FAM13A: variants seen among roughly 807,000 people sequenced by gnomAD.
The protein encoded by FAM13A is protein FAM13A.
A neutral mutation model predicts 129.6 loss-of-function variants in FAM13A; 76 were observed. That is an observed-to-expected ratio of 0.59 (90% CI 0.49 to 0.71). FAM13A has a LOEUF of 0.71. FAM13A is among the 30% of genes least tolerant of loss of function. FAM13A has a pLI of 0.00. For missense variants in FAM13A, 1,108 were observed against 1,249.3 expected (o/e 0.89, Z 1.70); for synonymous variants, 443 against 449.9 (o/e 0.98, Z 0.20).
intron 10 of FAM13A, among the ~76,000 whole-genome samples, chr4:88,781,806 C>G (rs948410383): frequency 1.3e-4 from 19 of 149,738 alleles, no homozygotes; most frequent in African/African-American, 4.6e-4. Context: ...CACATGGACA[C>G]AGGAAGGGGA....
At chr4:88,822,677 A>G (rs544120660) in intron 7 of FAM13A, among the ~76,000 whole-genome samples, 1 of 152,158 alleles carries the variant, frequency 6.6e-6, no homozygotes, top group Admixed American at 6.5e-5. Context: ...CTCGCTCATT[A>G]TACTTCTCAG....
intron 7 of FAM13A, among the ~76,000 whole-genome samples, chr4:88,846,851 T>G (rs1736730495): frequency 6.6e-6 from 1 of 152,238 alleles, no homozygotes; most frequent in Non-Finnish European, 1.5e-5. Flanking sequence ...GCACATTTAT[T>G]TTTTAATTTA....
chr4:88,801,157 A>G (rs964378844), intron 8 of FAM13A, among the ~76,000 whole-genome samples: 1 of 152,248 alleles, frequency 6.6e-6, no homozygotes, highest in Non-Finnish European at 1.5e-5. Context: ...TATCAGGAAT[A>G]GCAGTGGCAT....
At chr4:88,784,222 T>C (rs1723533737) in intron 10 of FAM13A, among the ~76,000 whole-genome samples, 1 of 152,212 alleles carries the variant, frequency 6.6e-6, no homozygotes, top group Non-Finnish European at 1.5e-5. Flanking sequence ...TGTTGAACTC[T>C]AATTTCGATT....
chr4:88,891,150 C>T (rs528687096), intron 6 of FAM13A, among the ~76,000 whole-genome samples: 2 of 152,300 alleles, frequency 1.3e-5, no homozygotes, highest in East Asian at 1.9e-4. Flanking sequence ...GGGCCAGGCA[C>T]GGCAGCTCAT....
intron 3 of FAM13A, among the ~76,000 whole-genome samples, 176 bp downstream of exon 3, chr4:89,020,280 CTTTT>C (rs374510433): frequency 8.0e-6 from 1 of 124,736 alleles, no homozygotes; most frequent in African/African-American, 3.0e-5. Context: ...TTTTTCTGCC[CTTTT>C]TTTTTTTTTT....
At chr4:89,032,090 A>C (rs1317144454) in intron 1 of FAM13A, among the ~76,000 whole-genome samples, 1 of 152,006 alleles carries the variant, frequency 6.6e-6, no homozygotes, top group Admixed American at 6.6e-5. Context: ...ATAAATTAAA[A>C]AAAATTAGCC....
intron 7 of FAM13A, among the ~76,000 whole-genome samples, chr4:88,820,835 T>C (rs543865181): frequency 6.6e-6 from 1 of 152,238 alleles, no homozygotes; most frequent in East Asian, 1.9e-4. Flanking sequence ...ACTCAAAGTA[T>C]GAGAAGCATT....
chr4:88,974,900 A>C (rs1301572819), intron 4 of FAM13A, among the ~76,000 whole-genome samples: 1 of 152,178 alleles, frequency 6.6e-6, no homozygotes, highest in Non-Finnish European at 1.5e-5. Context: ...CATCTCTATT[A>C]TTAACACCAC....
chr4:88,870,028 A>T (rs548509375), intron 6 of FAM13A, among the ~76,000 whole-genome samples: 1 of 152,298 alleles, frequency 6.6e-6, no homozygotes, highest in East Asian at 1.9e-4. Flanking sequence ...TTGACAATTT[A>T]AATTCAACTT....
intron 7 of FAM13A, among the ~76,000 whole-genome samples, chr4:88,848,352 A>AC (rs1737026394): frequency 6.6e-6 from 1 of 152,126 alleles, no homozygotes; most frequent in South Asian, 2.1e-4. Context: ...TTGTTCTATT[A>AC]CCTCCTGGCT....
At chr4:88,817,547 A>G (rs1214699224) in intron 7 of FAM13A, among the ~76,000 whole-genome samples, 1 of 151,668 alleles carries the variant, frequency 6.6e-6, no homozygotes, top group African/African-American at 2.4e-5. Flanking sequence ...TAGGGGACAG[A>G]GCAAGACTCT....
At chr4:89,050,545 CT>C (rs201112576) in intron 1 of FAM13A, among the ~76,000 whole-genome samples, 15 of 151,174 alleles carry the variant, frequency 9.9e-5, no homozygotes, top group Admixed American at 5.9e-4. Flanking sequence ...TAAAAAACAG[CT>C]TTTTTTTTAC....
At position 88,990,960 on chromosome 4, in the gene FAM13A, T is replaced by C; in HGVS notation, c.605+13A>G. The C allele has an allele frequency of 1.9e-6, 3 of 1,604,648 alleles. No homozygotes were observed. The highest frequency in any genetic ancestry group is 2.6e-6 in the Non-Finnish European group (3 of 1,171,624). On this transcript the variant is annotated intron_variant, in intron 4 of 23. Transcript: ENST00000264344. Reference sequence around the variant, plus strand: ...GACATGATGATATTAACAGTAAAACTCCACTAACTTACTGAAAGCAATTTG... The same window carrying C: ...GACATGATGATATTAACAGTAAAACCCCACTAACTTACTGAAAGCAATTTG...
chr4:89,018,989 G>A (rs927646957), intron 3 of FAM13A, among the ~76,000 whole-genome samples: 5 of 152,214 alleles, frequency 3.3e-5, no homozygotes, highest in African/African-American at 1.2e-4. Flanking sequence ...AGGATTGCCT[G>A]GAGGTCACCA....
At chr4:88,991,517 G>T (rs1416274334) in intron 3 of FAM13A, among the ~76,000 whole-genome samples, 1 of 152,162 alleles carries the variant, frequency 6.6e-6, no homozygotes, top group Non-Finnish European at 1.5e-5. Context: ...GGTTTATTCA[G>T]TGCACAAAAT....
At chr4:88,961,820 G>T (rs1236179465) in intron 4 of FAM13A, among the ~76,000 whole-genome samples, 1 of 152,070 alleles carries the variant, frequency 6.6e-6, no homozygotes, top group Non-Finnish European at 1.5e-5. Context: ...TTAAAGGGCT[G>T]CAAAAACAGC....
At chr4:88,787,324 A>T (rs1411699004) in intron 10 of FAM13A, among the ~76,000 whole-genome samples, 1 of 152,152 alleles carries the variant, frequency 6.6e-6, no homozygotes, top group East Asian at 1.9e-4. Context: ...GGGATATCTG[A>T]CTATTTAATC....
intron 2 of FAM13A, among the ~76,000 whole-genome samples, chr4:89,022,766 C>A (rs533605626): frequency 6.6e-6 from 1 of 152,194 alleles, no homozygotes; most frequent in South Asian, 2.1e-4. Context: ...CTCTCTCCCC[C>A]TCTCTCTGTC....
Sources: gnomAD v4.1 joint callset for allele counts (sites outside exome capture counted in the v4.1 genomes callset) on GRCh38, gnomAD v4.1.1 for gene constraint, MANE v1.5 for transcripts, NCBI Gene and HGNC (gene_info 2026-07-23, HGNC 2026-07-21) for gene names.